Variants in COL23A1 observed in about 807,000 individuals in gnomAD.
COL23A1 encodes collagen alpha-1(XXIII) chain.
In COL23A1, 97 loss-of-function variants were observed where a neutral mutation model predicts 99.3. That is an observed-to-expected ratio of 0.98 (90% CI 0.83 to 1.16). The LOEUF is 1.16. Among genes scored for constraint, COL23A1 ranks in the 50% most tolerant of loss-of-function variants. The pLI is 0.00. For synonymous variants in COL23A1, 320 were observed against 308.2 expected (o/e 1.04, Z -0.40); for missense variants, 762 against 757.4 (o/e 1.01, Z -0.07).
At chr5:178,370,531 C>T (rs952530025) in intron 2 of COL23A1, among the ~76,000 whole-genome samples, 9 of 151,938 alleles carry the variant, frequency 5.9e-5, no homozygotes, top group South Asian at 2.1e-4. Context: ...CATTGGCCAA[C>T]GGATATAGAG....
At chr5:178,478,408 A>T (rs1757145200) in intron 2 of COL23A1, among the ~76,000 whole-genome samples, 1 of 152,216 alleles carries the variant, frequency 6.6e-6, no homozygotes, top group Non-Finnish European at 1.5e-5. Flanking sequence ...CTCCAGACTC[A>T]AAACGATAGT....
At chr5:178,408,126 A>G (rs1764858281) in intron 2 of COL23A1, among the ~76,000 whole-genome samples, 1 of 152,272 alleles carries the variant, frequency 6.6e-6, no homozygotes, top group Non-Finnish European at 1.5e-5. Flanking sequence ...AATTAAAGTG[A>G]CAGTGGATTT....
intron 2 of COL23A1, among the ~76,000 whole-genome samples, chr5:178,358,635 AGTG>A (rs540950957): frequency 0.015 from 1,862 of 124,694 alleles, 34 homozygotes; most frequent in African/African-American, 0.055. Context: ...GTATGTGTCT[AGTG>A]TGTGTGTGTA....
intron 2 of COL23A1, among the ~76,000 whole-genome samples, chr5:178,358,714 T>C (rs1400329292): frequency 1.4e-5 from 2 of 144,000 alleles, no homozygotes; most frequent in African/African-American, 5.3e-5. Flanking sequence ...TGTGTGTATG[T>C]GTGTATGTGT....
chr5:178,476,967 A>G (rs944566296), intron 2 of COL23A1, among the ~76,000 whole-genome samples: 4 of 152,186 alleles, frequency 2.6e-5, no homozygotes, highest in East Asian at 1.9e-4. Flanking sequence ...CAGGTTTCCA[A>G]TCCTAGCTTT....
At chr5:178,277,658 A>G (rs1276125189) in intron 5 of COL23A1, among the ~76,000 whole-genome samples, 1 of 152,160 alleles carries the variant, frequency 6.6e-6, no homozygotes, top group Non-Finnish European at 1.5e-5. Context: ...GCTGGCTTCT[A>G]TTTTGGGGAG....
rs1762465529 is a variant in COL23A1 at position 178,366,154 on chromosome 5, C to T, written c.362-59235G>A. 6.6e-6 allele frequency among the ~76,000 whole-genome samples: 1 copy of T among 152,186 alleles called. No homozygotes were observed. The highest frequency in any genetic ancestry group is 1.5e-5 in the Non-Finnish European group (1 of 68,028). On this transcript the variant is annotated intron_variant, in intron 2 of 28. Transcript: ENST00000390654. The surrounding 1 kb of genome is among the most constrained non-coding windows in gnomAD (Gnocchi z 4.4). ...TCTACCCTACGAGGAGGCGAGTCCCCAAGGGCAGGGCTGGGTCTGATTCAC... is the reference window on the plus strand; with the variant it reads ...TCTACCCTACGAGGAGGCGAGTCCCTAAGGGCAGGGCTGGGTCTGATTCAC...
intron 2 of COL23A1, among the ~76,000 whole-genome samples, chr5:178,398,742 T>C (rs1226064583): frequency 6.6e-6 from 1 of 152,268 alleles, no homozygotes; most frequent in Non-Finnish European, 1.5e-5. Flanking sequence ...GAAACCTTTG[T>C]TCACTATTTA....
chr5:178,252,882 G>A (rs1765109642), intron 16 of COL23A1, among the ~76,000 whole-genome samples: 1 of 152,202 alleles, frequency 6.6e-6, no homozygotes, highest in African/African-American at 2.4e-5. Flanking sequence ...TCTTCACGAT[G>A]TTCCCCTGCT....
chr5:178,455,344 A>T (rs533572593), intron 2 of COL23A1, among the ~76,000 whole-genome samples: 3 of 152,250 alleles, frequency 2.0e-5, no homozygotes, highest in Non-Finnish European at 4.4e-5. Flanking sequence ...GGGCCAGGCC[A>T]CAGGCACCAG....
intron 2 of COL23A1, among the ~76,000 whole-genome samples, chr5:178,352,926 A>G (rs1761410619): frequency 6.6e-6 from 1 of 152,260 alleles, no homozygotes; most frequent in South Asian, 2.1e-4. Flanking sequence ...AAGAGTTGGC[A>G]AGCTGCTCTC....
At chr5:178,564,301 C>G (rs1263907806) in intron 1 of COL23A1, among the ~76,000 whole-genome samples, 1 of 152,130 alleles carries the variant, frequency 6.6e-6, no homozygotes, top group Non-Finnish European at 1.5e-5. Flanking sequence ...CTCCCGGACC[C>G]CACCTCTCCC....
chr5:178,295,923 G>C (rs1274727561), intron 3 of COL23A1, among the ~76,000 whole-genome samples: 2 of 152,252 alleles, frequency 1.3e-5, no homozygotes, highest in Admixed American at 6.5e-5. Context: ...CTCTAGGTGT[G>C]GGTGCAAGGA....
chr5:178,375,616 G>C (rs1048227010), intron 2 of COL23A1, among the ~76,000 whole-genome samples: 10 of 152,200 alleles, frequency 6.6e-5, no homozygotes, highest in African/African-American at 2.4e-4. Flanking sequence ...GCTGACCTCA[G>C]TCTCACCAGG....
chr5:178,385,550 C>T (rs779893312), intron 2 of COL23A1, among the ~76,000 whole-genome samples: 3 of 152,192 alleles, frequency 2.0e-5, no homozygotes, highest in Non-Finnish European at 2.9e-5. Context: ...GGCACCGAGC[C>T]GGGGTGGCCC....
intron 2 of COL23A1, among the ~76,000 whole-genome samples, chr5:178,527,069 T>C (rs1760350208): frequency 1.3e-5 from 2 of 152,210 alleles, no homozygotes; most frequent in South Asian, 4.2e-4. Flanking sequence ...TGCAGGGCAC[T>C]TGGTGTTGAA....
chr5:178,317,023 A>T (rs1383003663), intron 2 of COL23A1, among the ~76,000 whole-genome samples: 2 of 152,340 alleles, frequency 1.3e-5, no homozygotes, highest in South Asian at 2.1e-4. Context: ...AATATTTATT[A>T]AAAAACTCAG....
intron 2 of COL23A1, among the ~76,000 whole-genome samples, chr5:178,393,150 G>A (rs1164089784): frequency 1.3e-5 from 2 of 152,246 alleles, no homozygotes; most frequent in South Asian, 2.1e-4. Context: ...CATCTGGCTC[G>A]AGAGATGGCC....
chr5:178,538,351 A>G (rs147530398), intron 2 of COL23A1, among the ~76,000 whole-genome samples: 3 of 152,338 alleles, frequency 2.0e-5, no homozygotes, highest in African/African-American at 7.2e-5. Context: ...CCACGCTTTT[A>G]TAAAATACAC....
Sources: gnomAD v4.1 joint callset for allele counts (sites outside exome capture counted in the v4.1 genomes callset) on GRCh38, gnomAD v4.1.1 for gene constraint, Gnocchi (gnomAD v3.1) non-coding constraint, MANE v1.5 for transcripts, NCBI Gene and HGNC (gene_info 2026-07-23, HGNC 2026-07-21) for gene names.